HMGB1: variants seen among roughly 807,000 people sequenced by gnomAD.
HMGB1 encodes the protein high mobility group protein B1.
For missense variants in HMGB1, 79 were observed against 253.5 expected (o/e 0.31, Z 4.67); for synonymous variants, 81 against 84.0 (o/e 0.96, Z 0.19).
In HMGB1 at chr13:30,465,200, G is replaced by A. The variant is rs867129986; in HGVS notation, c.-15+596C>T. On this transcript the variant is annotated intron_variant, in intron 1 of 4. Coordinates refer to ENST00000341423, the MANE Select transcript of HMGB1 (RefSeq NM_002128.7). Reference sequence around the variant, plus strand: ...CCGCTCCCCCCGCCGCCCGGCCGCCGCCGCCGCCGCGACCGGGCCGAGGCC... The same window carrying A: ...CCGCTCCCCCCGCCGCCCGGCCGCCACCGCCGCCGCGACCGGGCCGAGGCC... 2,942 of 829,802 alleles carry A rather than the reference G, an allele frequency of 3.5e-3. 73 individuals are homozygous for A. In the African/African-American group the frequency reaches 0.053, roughly 15 times the overall value. The allele number at this position is 829,802 out of a possible 1,614,324, so 51.4% of individuals were successfully genotyped here. A position where few individuals can be genotyped will look rare whatever the true frequency, so the allele number is the denominator to read the frequency against.
chr13:30,529,870 C>T (rs1409395719), intron 1 of HMGB1, among the ~76,000 whole-genome samples: 2 of 152,184 alleles, frequency 1.3e-5, no homozygotes, highest in Admixed American at 6.5e-5. Context: ...TCCAGGACCA[C>T]GTTTCTAAGC....
At chr13:30,519,539 CA>C (rs11411401) in intron 1 of HMGB1, among the ~76,000 whole-genome samples, 5 of 144,220 alleles carry the variant, frequency 3.5e-5, no homozygotes, top group African/African-American at 5.1e-5. Flanking sequence ...ACTAAAAATA[CA>C]AAAAAAAAAA....
At chr13:30,601,385 T>C (rs1465671104) in intron 1 of HMGB1, among the ~76,000 whole-genome samples, 1 of 152,226 alleles carries the variant, frequency 6.6e-6, no homozygotes, top group Non-Finnish European at 1.5e-5. Flanking sequence ...TACCTGGTTC[T>C]GTGTCTTACC....
intron 1 of HMGB1, among the ~76,000 whole-genome samples, chr13:30,536,407 T>G (rs1263588220): frequency 4.6e-5 from 7 of 152,216 alleles, no homozygotes; most frequent in African/African-American, 1.4e-4. Context: ...TGGAGTGCAG[T>G]GGTGCGATCT....
intron 1 of HMGB1, among the ~76,000 whole-genome samples, chr13:30,504,051 G>T (rs193255030): frequency 7.2e-5 from 11 of 151,962 alleles, no homozygotes; most frequent in Non-Finnish European, 1.5e-4. Context: ...GTCAAGAAAG[G>T]CTTCCAAGAA....
At chr13:30,494,488 T>C (rs1406621653) in intron 1 of HMGB1, among the ~76,000 whole-genome samples, 1 of 151,954 alleles carries the variant, frequency 6.6e-6, no homozygotes, top group South Asian at 2.1e-4. Context: ...CAGCCTCCGG[T>C]GTAGCTGGGA....
At chr13:30,594,275 T>C (rs1212907041) in intron 1 of HMGB1, among the ~76,000 whole-genome samples, 1 of 152,190 alleles carries the variant, frequency 6.6e-6, no homozygotes, top group African/African-American at 2.4e-5. Flanking sequence ...TACTTGGGTA[T>C]ATTGTGTGAA....
intron 1 of HMGB1, among the ~76,000 whole-genome samples, chr13:30,508,917 T>C (rs1355202896): frequency 6.6e-6 from 1 of 152,312 alleles, no homozygotes; most frequent in African/African-American, 2.4e-5. Context: ...ATCTAAAATA[T>C]ATTCATGAAT....
At chr13:30,573,791 C>T (rs770311207) in intron 1 of HMGB1, among the ~76,000 whole-genome samples, 6 of 151,972 alleles carry the variant, frequency 3.9e-5, no homozygotes, top group Non-Finnish European at 8.8e-5. Flanking sequence ...GCAGGGACTA[C>T]AGGCATGCGC....
intron 1 of HMGB1, among the ~76,000 whole-genome samples, chr13:30,471,651 G>A (rs866784696): frequency 9.2e-6 from 1 of 108,680 alleles, no homozygotes; most frequent in East Asian, 2.8e-4. Flanking sequence ...CACCGTGCCC[G>A]GCCTTTTTTT....
rs1886010306 is a variant in HMGB1, at chr13:30,456,792, A to C, written c.*4565T>G. On this transcript the variant is annotated 3_prime_UTR_variant, in exon 5 of 5. Coordinates refer to ENST00000341423, the MANE Select transcript of HMGB1 (RefSeq NM_002128.7). ...GGGGGGTGGTGGGGTGCAATTTATC[A>C]ACATCTTCCAAAATGTTAAATGCAA... 7.9e-6 allele frequency: 1 copy of C among 126,218 alleles called. No individual in the cohort carries two copies. The highest frequency in any genetic ancestry group is 3.2e-5 in the African/African-American group (1 of 31,488). The allele number at this position is 126,218 out of a possible 1,614,324, so 7.8% of individuals were successfully genotyped here. A position where few individuals can be genotyped will look rare whatever the true frequency, so the allele number is the denominator to read the frequency against.
chr13:30,563,646 A>C (rs956908174), intron 1 of HMGB1, among the ~76,000 whole-genome samples: 1 of 152,128 alleles, frequency 6.6e-6, no homozygotes, highest in Non-Finnish European at 1.5e-5. Flanking sequence ...TTAAAAGCCC[A>C]TTTCTTTCTT....
chr13:30,472,310 G>A (rs6490466), intron 1 of HMGB1, among the ~76,000 whole-genome samples: 84,464 of 151,874 alleles, frequency 0.56, 24,695 homozygotes, highest in African/African-American at 0.74. Context: ...AAAAAAATAC[G>A]ACATGCAAGG....
chr13:30,569,826 A>G (rs1870351644), intron 1 of HMGB1, among the ~76,000 whole-genome samples: 1 of 152,204 alleles, frequency 6.6e-6, no homozygotes, highest in Non-Finnish European at 1.5e-5. Flanking sequence ...AGGCTTTAAG[A>G]CACCAAAATC....
At chr13:30,617,538 G>A (rs900350326) in exon 1 of HMGB1, 7 of 152,364 alleles carry the variant, frequency 4.6e-5, no homozygotes, top group Middle Eastern at 3.4e-3. Context: ...CGCTCGCGCG[G>A]ACCACGGAAC....
chr13:30,464,638 T>G, intron 1 of HMGB1: 1 of 983,112 alleles, frequency 1.0e-6, no homozygotes. Context: ...CCGCTCGAAA[T>G]GGGGGCTGGC....
intron 1 of HMGB1, among the ~76,000 whole-genome samples, chr13:30,504,973 A>AT (rs1422591174): frequency 2.6e-4 from 39 of 151,338 alleles, no homozygotes; most frequent in East Asian, 3.9e-4. Flanking sequence ...TTATTTTTCA[A>AT]TTTTTTTTTC....
intron 1 of HMGB1, among the ~76,000 whole-genome samples, chr13:30,611,413 C>T (rs184944415): frequency 1.3e-5 from 2 of 152,266 alleles, no homozygotes; most frequent in East Asian, 1.9e-4. Context: ...CTGCCCACCT[C>T]GGCCTTCCAA....
chr13:30,477,208 C>T (rs545921316), intron 1 of HMGB1, among the ~76,000 whole-genome samples: 2 of 152,242 alleles, frequency 1.3e-5, no homozygotes, highest in East Asian at 3.9e-4. Context: ...TGAATAGGAC[C>T]CTTACAGTTT....
Sources: gnomAD v4.1 joint callset for allele counts (sites outside exome capture counted in the v4.1 genomes callset) on GRCh38, gnomAD v4.1.1 for gene constraint, MANE v1.5 for transcripts, NCBI Gene and HGNC (gene_info 2026-07-23, HGNC 2026-07-21) for gene names.